SLC14A2: variants seen among roughly 807,000 people sequenced by gnomAD.
The protein encoded by SLC14A2 is solute carrier family 14 member 2.
A neutral mutation model predicts 104.6 loss-of-function variants in SLC14A2; 91 were observed. That is an observed-to-expected ratio of 0.87 (90% CI 0.73 to 1.04). SLC14A2 has a LOEUF of 1.04. SLC14A2 is among the 50% of genes least tolerant of loss of function. The pLI is 0.00. For missense variants in SLC14A2, 1,189 were observed against 1,156.0 expected (o/e 1.03, Z -0.41); for synonymous variants, 476 against 466.4 (o/e 1.02, Z -0.27).
chr18:45,299,668 G>A (rs575414713), intron 1 of SLC14A2, among the ~76,000 whole-genome samples: 1 of 152,274 alleles, frequency 6.6e-6, no homozygotes, highest in Admixed American at 6.5e-5. Flanking sequence ...TGCCATGTTG[G>A]CCAGGCTGGT....
intron 1 of SLC14A2, among the ~76,000 whole-genome samples, chr18:45,235,903 G>GTATATATACATATATGTGTGTATATA (rs2084226758): frequency 1.0e-5 from 1 of 98,292 alleles, no homozygotes; most frequent in Non-Finnish European, 2.1e-5. Flanking sequence ...GTGTATGTAT[G>GTATATATACATATATGTGTGTATATA]TATATATACA....
chr18:45,267,903 C>T (rs754034768), intron 1 of SLC14A2, among the ~76,000 whole-genome samples: 1 of 152,248 alleles, frequency 6.6e-6, no homozygotes, highest in South Asian at 2.1e-4. Context: ...AACAGTTTGG[C>T]GTGGACTAAA....
chr18:45,374,927 T>C (rs8091746), intron 1 of SLC14A2, among the ~76,000 whole-genome samples: 52,011 of 152,058 alleles, frequency 0.34, 9,127 homozygotes, highest in South Asian at 0.43. Context: ...GCTGAGCCCC[T>C]TTGCTCTGGA....
intron 1 of SLC14A2, among the ~76,000 whole-genome samples, chr18:45,295,803 T>C (rs2084913010): frequency 6.6e-6 from 1 of 152,216 alleles, no homozygotes; most frequent in Non-Finnish European, 1.5e-5. Context: ...TTTTCCTTTC[T>C]GGTCTCTTTT....
chr18:45,399,383 T>C, intron 1 of SLC14A2, among the ~76,000 whole-genome samples: 1 of 152,168 alleles, frequency 6.6e-6, no homozygotes, highest in East Asian at 1.9e-4. Context: ...ACAGAAGGAA[T>C]GCAGCCCTTG....
chr18:45,525,670 T>C (rs2043585856), intron 2 of SLC14A2, among the ~76,000 whole-genome samples: 1 of 152,214 alleles, frequency 6.6e-6, no homozygotes, highest in Non-Finnish European at 1.5e-5. Context: ...TAGCATTTGG[T>C]AGATCTGCCC....
intron 1 of SLC14A2, among the ~76,000 whole-genome samples, chr18:45,317,567 A>G (rs527385333): frequency 6.6e-6 from 1 of 152,298 alleles, no homozygotes; most frequent in African/African-American, 2.4e-5. Flanking sequence ...TTTAGCTAAG[A>G]TTTGAAAGAT....
upstream of SLC14A2, among the ~76,000 whole-genome samples, chr18:45,209,666 C>T (rs1858668506): frequency 6.6e-6 from 1 of 151,914 alleles, no homozygotes; most frequent in African/African-American, 2.4e-5. Context: ...AATGTGTAAC[C>T]TTGGACTGCT....
intron 1 of SLC14A2, among the ~76,000 whole-genome samples, chr18:45,404,438 T>C (rs1480408374): frequency 6.6e-6 from 1 of 152,214 alleles, no homozygotes; most frequent in African/African-American, 2.4e-5. Flanking sequence ...CCCCTTTCCT[T>C]CCTTCTTCCC....
At chr18:45,232,542 T>C (rs560979645) in intron 1 of SLC14A2, among the ~76,000 whole-genome samples, 2 of 152,328 alleles carry the variant, frequency 1.3e-5, no homozygotes, top group East Asian at 3.9e-4. Flanking sequence ...TCTGGCATTC[T>C]AGTGATCATT....
At chr18:45,551,523 C>T (rs72904423) in intron 2 of SLC14A2, among the ~76,000 whole-genome samples, 13,682 of 152,246 alleles carry the variant, frequency 0.09, 758 homozygotes, top group Non-Finnish European at 0.12. Context: ...CTGTCTGGGC[C>T]GGCCCTCGAT....
chr18:45,267,208 G>C (rs1487124349), intron 1 of SLC14A2, among the ~76,000 whole-genome samples: 1 of 152,092 alleles, frequency 6.6e-6, no homozygotes, highest in East Asian at 1.9e-4. Flanking sequence ...GAGGTAGGTG[G>C]GTATGTCACA....
rs189679576 is a variant in SLC14A2 at position 45,481,757 on chromosome 18, T to C, written c.-124-1476T>C. Among the ~76,000 whole-genome samples the C allele has an allele frequency of 6.0e-4, 92 of 152,348 alleles. 2 individuals are homozygous for C. The highest frequency in any genetic ancestry group is 6.0e-3 in the Admixed American group (92 of 15,306). On this transcript the variant is annotated intron_variant, in intron 1 of 20. Transcript: ENST00000586448. ...GAAATTGTTGTTTTCCCTTTCAAAG[T>C]TCGTGAAGACTATGAGTATCACCAC...
intron 1 of SLC14A2, among the ~76,000 whole-genome samples, chr18:45,288,859 C>A (rs1453010012): frequency 6.6e-6 from 1 of 152,234 alleles, no homozygotes; most frequent in Non-Finnish European, 1.5e-5. Flanking sequence ...AGAGGTGTCC[C>A]TAATCCTACT....
At position 45,549,353 on chromosome 18, in the gene SLC14A2, C is replaced by T. The variant is rs1761171654; in HGVS notation, c.-35+66031C>T. 2.0e-5 allele frequency among the ~76,000 whole-genome samples: 3 copies of T among 152,210 alleles called. No homozygotes were observed. The South Asian group carries it at 6.2e-4, about 32-fold the overall frequency. ...AGATGTGCTACCAGCATGGCAGGGC[C>T]AGAGCCAGCCAAGCTGTAGAAAGCA... On this transcript the variant is annotated intron_variant, in intron 2 of 20. Coordinates refer to the SLC14A2 transcript ENST00000586448.
chr18:45,654,876 C>T (rs371687122), intron 10 of SLC14A2, among the ~76,000 whole-genome samples: 1 of 152,194 alleles, frequency 6.6e-6, no homozygotes, highest in African/African-American at 2.4e-5. Context: ...GACTCTATGA[C>T]CCACAGCTGT....
the SLC14A2 span, among the ~76,000 whole-genome samples, chr18:45,205,128 T>G: frequency 6.6e-6 from 1 of 152,168 alleles, no homozygotes; most frequent in Non-Finnish European, 1.5e-5. Context: ...TTGAGACTCT[T>G]TTCCCCAGCA....
chr18:45,265,070 C>A (rs1423513318), intron 1 of SLC14A2, among the ~76,000 whole-genome samples: 1 of 152,170 alleles, frequency 6.6e-6, no homozygotes, highest in East Asian at 1.9e-4. Flanking sequence ...TTGTATGCAC[C>A]TATACATTCA....
chr18:45,340,119 C>A (rs1419297888), intron 1 of SLC14A2, among the ~76,000 whole-genome samples: 1 of 152,206 alleles, frequency 6.6e-6, no homozygotes, highest in East Asian at 1.9e-4. Context: ...TTGATTAATT[C>A]TCTCACACTT....
Sources: gnomAD v4.1 joint callset for allele counts (sites outside exome capture counted in the v4.1 genomes callset) on GRCh38, gnomAD v4.1.1 for gene constraint, MANE v1.5 for transcripts, NCBI Gene and HGNC (gene_info 2026-07-23, HGNC 2026-07-21) for gene names.